The following MAP3K14 variants were observed in gnomAD, a reference collection of about 807,000 sequenced individuals.
MAP3K14 encodes the protein NF-kappa-beta-inducing kinase.
A neutral mutation model predicts 99.2 loss-of-function variants in MAP3K14; 16 were observed. That is an observed-to-expected ratio of 0.16 (90% confidence interval 0.11 to 0.24). MAP3K14 has a LOEUF of 0.24. Ranked by LOEUF, MAP3K14 falls within the 10% of genes least tolerant of loss-of-function variation. MAP3K14 has a pLI of 1.00. For synonymous variants in MAP3K14, 462 were observed against 492.4 expected, an observed-to-expected ratio of 0.94 and a Z score of 0.82; for missense variants, 784 against 1,208.7, an observed-to-expected ratio of 0.65 and a Z score of 5.21.
At chr17:45,309,151 G>C (rs1387475896) in intron 1 of MAP3K14, among the ~76,000 whole-genome samples, 2 of 152,202 alleles carry the variant, frequency 1.3e-5, no homozygotes, top group Non-Finnish European at 2.9e-5. Context: ...CTGTCCCTAC[G>C]CTTCTGAAAA....
chr17:45,274,551 C>T lies in MAP3K14; in HGVS notation c.1333G>A (p.Ala445Thr), dbSNP rs1272530024. Residue 445 changes from alanine (A) to threonine (T), a missense_variant, in exon 7 of 16, where the codon GCA (alanine) becomes ACA (threonine). Coordinates refer to ENST00000344686, the MANE Select transcript of MAP3K14 (RefSeq NM_003954.5). ...VFRAEELMAC[A>T]GLTSPRIVPL... is the part of the protein sequence containing the mutation. ...ACAATTCTGGGTGAGGTCAATCCTGCACATGCCATCAGCTCCTCTGCCCGA... is the reference window on the plus strand; with the variant it reads ...ACAATTCTGGGTGAGGTCAATCCTGTACATGCCATCAGCTCCTCTGCCCGA... 6.2e-7 allele frequency: 1 copy of T among 1,613,882 alleles called. No homozygotes were observed. The highest frequency in any genetic ancestry group is 1.3e-5 in the African/African-American group (1 of 74,940).
At chr17:45,291,649 A>G (rs1196317102) in intron 1 of MAP3K14, among the ~76,000 whole-genome samples, 1 of 152,246 alleles carries the variant, frequency 6.6e-6, no homozygotes, top group Non-Finnish European at 1.5e-5. Flanking sequence ...AACAGCCTGC[A>G]GACTGGAATT....
intron 1 of MAP3K14, among the ~76,000 whole-genome samples, chr17:45,293,814 GACACACATGCACAC>G (rs978481197): frequency 6.6e-6 from 1 of 152,018 alleles, no homozygotes; most frequent in African/African-American, 2.4e-5. Context: ...CTCCCACACA[GACACACATGCACAC>G]ACACACATGC....
At position 45,268,099 on chromosome 17, in the gene MAP3K14, C is replaced by T. The variant is rs143372338; in HGVS notation, c.1973-340G>A. 712 of 251,548 alleles carry T rather than the reference C, an allele frequency of 2.8e-3. 10 individuals carry two copies. The Admixed American group carries it at 0.038, about 14-fold the overall frequency. The allele number at this position is 251,548 out of a possible 1,614,324, so 15.6% of individuals were successfully genotyped here. On this transcript the variant is annotated intron_variant, in intron 11 of 15. Coordinates refer to ENST00000344686, the MANE Select transcript of MAP3K14 (RefSeq NM_003954.5). The stretch of plus-strand genomic sequence containing the variant: ...GATTGAAAACAGCCCTGGGGCTACA[C>T]CAACTCAAGAGCTCCCAGGCAAAGT...
At chr17:45,297,647 A>G (rs1188153978) in intron 1 of MAP3K14, among the ~76,000 whole-genome samples, 2 of 152,060 alleles carry the variant, frequency 1.3e-5, no homozygotes, top group African/African-American at 4.8e-5. Flanking sequence ...AAACAATGGT[A>G]GGCACAGGAA....
Position 45,267,033 on chromosome 17 carries a change from G to T in MAP3K14, c.2433+59C>A. On this transcript the variant is annotated intron_variant, in intron 13 of 15. Transcript: ENST00000344686. This position sits in a 1 kb window ranked among gnomAD's most constrained non-coding sequence, Gnocchi z 5.1. ...CTGGACGCAAAGCTACTTGCTCTGT[G>T]CCAGGGCCGGGAAAACCACACCCCT... 7.9e-7 allele frequency: 1 copy of T among 1,269,456 alleles called. No individual in the cohort carries two copies. Among genetic ancestry groups the T allele is most frequent in the Non-Finnish European group, 1.1e-6 (1 of 892,070 alleles). 78.6% of individuals were successfully genotyped at this position (1,269,456 alleles called of 1,614,324 possible).
intron 1 of MAP3K14, among the ~76,000 whole-genome samples, chr17:45,314,931 A>G (rs1334264329): frequency 1.3e-5 from 2 of 152,140 alleles, no homozygotes; most frequent in Non-Finnish European, 2.9e-5. Context: ...CGAAGAAAAC[A>G]ACCCTGGATA....
intron 1 of MAP3K14, among the ~76,000 whole-genome samples, chr17:45,298,750 G>C (rs972663139): frequency 8.5e-5 from 13 of 152,194 alleles, no homozygotes; most frequent in African/African-American, 3.1e-4. Flanking sequence ...GCCCCGTGCT[G>C]AGTGCTGGCA....
At chr17:45,265,440 G>T (rs2044070570) in intron 14 of MAP3K14, among the ~76,000 whole-genome samples, 177 bp from the exon 15 acceptor site, 1 of 152,164 alleles carries the variant, frequency 6.6e-6, no homozygotes, top group Admixed American at 6.6e-5. Flanking sequence ...AAGCACAGCT[G>T]CATTTTTTTG....
chr17:45,279,712 C>T (rs577670764), intron 6 of MAP3K14, among the ~76,000 whole-genome samples: 15 of 152,062 alleles, frequency 9.9e-5, no homozygotes, highest in Non-Finnish European at 2.1e-4. Context: ...CGTGAGCCAC[C>T]GCACCCAGCC....
intron 1 of MAP3K14, among the ~76,000 whole-genome samples, chr17:45,308,990 T>A (rs950590193): frequency 3.2e-4 from 12 of 37,996 alleles, no homozygotes; most frequent in East Asian, 2.4e-3. Context: ...TTAAAAAAAT[T>A]TTTTTTTTGG....
chr17:45,307,961 C>A (rs1158555836), intron 1 of MAP3K14, among the ~76,000 whole-genome samples: 1 of 152,194 alleles, frequency 6.6e-6, no homozygotes, highest in African/African-American at 2.4e-5. Flanking sequence ...CAAGCTGGAC[C>A]AAGTAACCAG....
At chr17:45,304,988 C>A (rs1010662444) in intron 1 of MAP3K14, among the ~76,000 whole-genome samples, 1 of 152,212 alleles carries the variant, frequency 6.6e-6, no homozygotes, top group Non-Finnish European at 1.5e-5. Context: ...ATGCAGTGGG[C>A]ACTCTGGAAA....
chr17:45,286,294 G>T lies in MAP3K14; in HGVS notation c.1152+137C>A. On this transcript the variant is annotated intron_variant, in intron 5 of 15. Transcript: ENST00000344686. This position sits in a 1 kb window ranked among gnomAD's most constrained non-coding sequence, Gnocchi z 4.1. ...AAGTGAGATTGGCGGAATAAGAGAT[G>T]ATACTTTTCATCCACAATGAGCACT... is the stretch of plus-strand genomic sequence containing the variant. 2.7e-6 allele frequency: 3 copies of T among 1,108,204 alleles called. No homozygotes were observed. Among genetic ancestry groups the T allele is most frequent in the Non-Finnish European group, 3.8e-6 (3 of 791,508 alleles). 68.6% of individuals were successfully genotyped at this position (1,108,204 alleles called of 1,614,324 possible). A position where few individuals can be genotyped will look rare whatever the true frequency, so the allele number is the denominator to read the frequency against.
At chr17:45,307,416 G>A (rs1258719189) in intron 1 of MAP3K14, among the ~76,000 whole-genome samples, 1 of 152,052 alleles carries the variant, frequency 6.6e-6, no homozygotes, top group East Asian at 1.9e-4. Context: ...AGATTAGATG[G>A]CCATAATTGC....
At chr17:45,266,228 T>C (rs916968604) in intron 14 of MAP3K14, 1 of 300,082 alleles carries the variant, frequency 3.3e-6, no homozygotes, top group African/African-American at 2.1e-5. Context: ...AAGAGATTAA[T>C]TGCTCATTTT....
In MAP3K14 at chr17:45,270,461, C is replaced by T. The variant is rs1428155711; in HGVS notation, c.1924G>A (p.Val642Met). The T allele has an allele frequency of 2.5e-6, 4 of 1,612,262 alleles. No homozygotes were observed. The highest frequency in any genetic ancestry group is 1.7e-6 in the Non-Finnish European group (2 of 1,179,502). Residue 642 changes from valine to methionine, a missense_variant, in exon 11 of 16, where the codon GTG becomes ATG. By Grantham distance (21) the Val-to-Met change is conservative (BLOSUM62 1). Around this residue, in one of 5 missense-constraint regions of MAP3K14, gnomAD observed 200 missense variants for 367.9 expected, o/e 0.54. Coordinates refer to ENST00000344686, the MANE Select transcript of MAP3K14 (RefSeq NM_003954.5). ...EGLRKEPIHR[V>M]SAAELGGKVN... The stretch of plus-strand genomic sequence containing the variant: ...TTCCCTCCCAGCTCCGCTGCAGACA[C>T]GCGGTGGATGGGCTCTTTCCTCAGC...
Position 45,286,347 on chromosome 17 carries a change from GC to G in MAP3K14, c.1152+83del. 7.0e-7 allele frequency: 1 copy of G among 1,431,178 alleles called. No individual in the cohort carries two copies. The highest frequency in any genetic ancestry group is 9.3e-7 in the Non-Finnish European group (1 of 1,075,748). The allele number at this position is 1,431,178 out of a possible 1,614,324, so 88.7% of individuals were successfully genotyped here. ...CCTACTGTTTGATTTGTCACCACAG[GC>G]AAGAGTGACTCTGATAAAGAGAGAA... is the stretch of plus-strand genomic sequence containing the variant. On this transcript the variant is annotated intron_variant, in intron 5 of 15. Coordinates refer to ENST00000344686, the MANE Select transcript of MAP3K14 (RefSeq NM_003954.5). This position sits in a 1 kb window ranked among gnomAD's most constrained non-coding sequence, Gnocchi z 4.1.
At chr17:45,289,159 G>A (rs916749397) in intron 3 of MAP3K14, 77 bp downstream of exon 3, 12 of 1,315,874 alleles carry the variant, frequency 9.1e-6, no homozygotes, top group South Asian at 3.7e-5. Flanking sequence ...CAGCAGGAGC[G>A]GCCCAGGCAA....
Sources: allele counts gnomAD v4.1 joint callset (sites outside exome capture counted in the v4.1 genomes callset), GRCh38; gene constraint gnomAD v4.1.1; regional missense constraint gnomAD v4.1.1; non-coding constraint Gnocchi (gnomAD v3.1); transcripts MANE v1.5; gene names NCBI Gene and HGNC (gene_info 2026-07-23, HGNC 2026-07-21).